The following PHKB variants were observed in gnomAD, a reference collection of about 807,000 sequenced individuals.
PHKB encodes the protein phosphorylase kinase regulatory subunit beta, also known as phosphorylase b kinase regulatory subunit beta.
PHKB carries 122 observed loss-of-function variants against 152.1 expected under a neutral mutation model. The ratio of observed to expected loss-of-function variants is 0.80; its 90% CI spans 0.69 to 0.93. The LOEUF (loss-of-function observed/expected upper bound fraction) is 0.93, where lower values mean the gene tolerates loss of function less well. Among genes scored for constraint, PHKB ranks in the 40% least tolerant of loss-of-function variants. PHKB has a pLI of 0.00. For synonymous variants in PHKB, 436 were observed against 464.9 expected (o/e 0.94, Z 0.80); for missense variants, 1,304 against 1,328.4 (o/e 0.98, Z 0.29).
Position 47,501,863 on chromosome 16 carries a change from G to T in PHKB, c.306-1128G>T, listed in dbSNP as rs1970329747. Among the ~76,000 whole-genome samples, 3 of 152,098 alleles carry T rather than the reference G, an allele frequency of 2.0e-5. No homozygotes were observed. In the South Asian group the frequency reaches 6.2e-4, roughly 32 times the overall value. On this transcript the variant is annotated intron_variant, in intron 3 of 30. Transcript: ENST00000323584. ...ATAGAGACTTTAAAGTCCTCATTTTGCAGGCACACTATCTATGTAGAATAT... is the reference window on the plus strand; with the variant it reads ...ATAGAGACTTTAAAGTCCTCATTTTTCAGGCACACTATCTATGTAGAATAT...
intron 4 of PHKB, among the ~76,000 whole-genome samples, chr16:47,509,108 G>C (rs1011982512): frequency 6.6e-6 from 1 of 152,108 alleles, no homozygotes; most frequent in Non-Finnish European, 1.5e-5. Context: ...TTTTAGATCT[G>C]TATCAAGTGG....
At chr16:47,536,271 G>C (rs763573266) in intron 6 of PHKB, among the ~76,000 whole-genome samples, 44 of 152,066 alleles carry the variant, frequency 2.9e-4, no homozygotes, top group Non-Finnish European at 5.4e-4. Flanking sequence ...GGCTGGTCTC[G>C]AACTTCTGAC....
intron 16 of PHKB, among the ~76,000 whole-genome samples, chr16:47,643,509 T>A (rs1372789248): frequency 6.6e-6 from 1 of 152,244 alleles, no homozygotes; most frequent in East Asian, 1.9e-4. Context: ...TGGTGTAGTG[T>A]GGCTGAAAAG....
rs529678166 is a variant in PHKB, at chr16:47,489,154, G to A, written c.77-8245G>A. Among the ~76,000 whole-genome samples the A allele has an allele frequency of 1.5e-4, 23 of 152,208 alleles. 1 individual carries two copies. Among genetic ancestry groups the A allele is most frequent in the African/African-American group, 4.8e-4 (20 of 41,544 alleles). On this transcript the variant is annotated intron_variant, in intron 1 of 30. Transcript: ENST00000323584. The stretch of plus-strand genomic sequence containing the variant: ...CTGTGACCACCTCCCAAGTTCAAGT[G>A]ATTCTCCCTGCCTCAGCCTCCCGAG...
intron 1 of PHKB, 123 bp from the exon 2 acceptor site, chr16:47,497,276 A>G (rs1970247986): frequency 8.7e-6 from 6 of 686,978 alleles, no homozygotes; most frequent in African/African-American, 7.2e-5. Flanking sequence ...GTAGTAAAGT[A>G]TGGTACTTCA....
chr16:47,474,602 TATTAACTTTGGTTGC>T (rs2151630074), intron 1 of PHKB, among the ~76,000 whole-genome samples: 1 of 152,368 alleles, frequency 6.6e-6, no homozygotes, highest in South Asian at 2.1e-4. Context: ...TTACTTTGTA[TATTAACTTTGGTTGC>T]ATTAACTTTG....
chr16:47,623,783 C>T (rs953826698), intron 14 of PHKB, among the ~76,000 whole-genome samples: 20 of 152,060 alleles, frequency 1.3e-4, no homozygotes, highest in Non-Finnish European at 2.2e-4. Context: ...GTCTCGAACT[C>T]CTGATCTCAA....
At chr16:47,626,185 G>A (rs1391198098) in intron 14 of PHKB, among the ~76,000 whole-genome samples, 2 of 152,158 alleles carry the variant, frequency 1.3e-5, no homozygotes, top group Admixed American at 6.5e-5. Flanking sequence ...AAGAGTGATG[G>A]TGGAGTATCT....
chr16:47,549,238 A>T (rs1386270918), intron 7 of PHKB, among the ~76,000 whole-genome samples: 2 of 152,238 alleles, frequency 1.3e-5, no homozygotes, highest in Admixed American at 1.3e-4. Flanking sequence ...ATTATAAGAA[A>T]TTTGATCTGA....
chr16:47,677,329 C>CA (rs969798170), intron 26 of PHKB, among the ~76,000 whole-genome samples: 1 of 151,996 alleles, frequency 6.6e-6, no homozygotes, highest in Non-Finnish European at 1.5e-5. Flanking sequence ...ATGAATCAAG[C>CA]AAAAAAAGTC....
intron 13 of PHKB, among the ~76,000 whole-genome samples, chr16:47,606,525 C>T (rs560536951): frequency 3.3e-5 from 5 of 152,234 alleles, no homozygotes; most frequent in East Asian, 1.9e-4. Context: ...AAGAAGTGTG[C>T]CGACTCACTT....
rs77185155 is a variant in PHKB at position 47,479,621 on chromosome 16, G to A, written c.77-17778G>A. ...GCCTGTGGATGGCCTGCACTTTGAA[G>A]AGCAGAAGTCTATCTACAGCATCAT... On this transcript the variant is annotated intron_variant, in intron 1 of 30. Transcript: ENST00000323584. Among the ~76,000 whole-genome samples, 649 of 152,246 alleles carry A rather than the reference G, an allele frequency of 4.3e-3. 6 individuals carry two copies. Among genetic ancestry groups the A allele is most frequent in the African/African-American group, 0.015 (615 of 41,560 alleles).
At chr16:47,666,833 T>C (rs1973547931) in intron 25 of PHKB, among the ~76,000 whole-genome samples, 1 of 152,242 alleles carries the variant, frequency 6.6e-6, no homozygotes. Flanking sequence ...AGCTCTAATT[T>C]ACCTGGCTGA....
chr16:47,660,574 C>T lies in PHKB; in HGVS notation c.2033+7C>T. The T allele has an allele frequency of 6.2e-7, 1 of 1,612,278 alleles. No individual in the cohort carries two copies. The highest frequency in any genetic ancestry group is 8.5e-7 in the Non-Finnish European group (1 of 1,178,452). ...GAATCAGTGACACAGAAGAGTAAGT[C>T]CCTTTGGGTTATTTCATTTTTGGGT... On this transcript the variant is annotated splice_region_variant and intron_variant, in intron 21 of 30. Coordinates refer to ENST00000323584, the MANE Select transcript of PHKB (RefSeq NM_000293.3).
intron 26 of PHKB, among the ~76,000 whole-genome samples, chr16:47,678,297 G>T (rs1220427998): frequency 1.3e-5 from 2 of 152,160 alleles, no homozygotes; most frequent in African/African-American, 4.8e-5. Flanking sequence ...TAATGGGACG[G>T]CTGGGTCAAA....
At chr16:47,677,938 G>C (rs553300057) in intron 26 of PHKB, among the ~76,000 whole-genome samples, 1 of 110,090 alleles carries the variant, frequency 9.1e-6, no homozygotes, top group Admixed American at 1.3e-4. Flanking sequence ...CCCCACAACA[G>C]TCCCCGGAGT....
At chr16:47,574,537 G>A (rs1971718145) in intron 7 of PHKB, among the ~76,000 whole-genome samples, 2 of 152,160 alleles carry the variant, frequency 1.3e-5, no homozygotes, top group South Asian at 4.1e-4. Flanking sequence ...CTCCAATCTG[G>A]AGCCTGGGTA....
Position 47,669,415 on chromosome 16 carries a change from C to A in PHKB, c.2628C>A (p.Ile876=), listed in dbSNP as rs17812908. The change falls in exon 26 of 31, where the codon ATC becomes ATA. Residue 876 remains isoleucine (I), a splice_region_variant and synonymous_variant. Transcript: ENST00000323584. The part of the protein sequence containing the change: ...ELFSGMLKIR[I]GWIIHAMEYE... ...TCAGTGGCATGCTGAAAATACGAATCGGGTGAGTGAAGTCCTTTGCATTTG... is the reference window on the plus strand; with the variant it reads ...TCAGTGGCATGCTGAAAATACGAATAGGGTGAGTGAAGTCCTTTGCATTTG... 3 of 1,613,490 alleles carry A rather than the reference C, an allele frequency of 1.9e-6. No individual in the cohort carries two copies. The highest frequency in any genetic ancestry group is 2.5e-6 in the Non-Finnish European group (3 of 1,179,570).
chr16:47,679,205 A>G (rs1190635105), intron 26 of PHKB, among the ~76,000 whole-genome samples: 1 of 152,168 alleles, frequency 6.6e-6, no homozygotes, highest in Non-Finnish European at 1.5e-5. Flanking sequence ...AGGTAGTGTG[A>G]TGCCTCCAGC....
Sources: gnomAD v4.1 joint callset for allele counts (sites outside exome capture counted in the v4.1 genomes callset) on GRCh38, gnomAD v4.1.1 for gene constraint, MANE v1.5 for transcripts, NCBI Gene and HGNC (gene_info 2026-07-23, HGNC 2026-07-21) for gene names.